OR2M3: variants seen among roughly 807,000 people sequenced by gnomAD.
The protein encoded by OR2M3 is olfactory receptor family 2 subfamily M member 3.
In OR2M3, 1 loss-of-function variant was observed where a neutral mutation model predicts 4.3. The observed-to-expected ratio is 0.23, with a 90% CI of 0.08 to 1.11. The LOEUF (loss-of-function observed/expected upper bound fraction) is 1.11, where lower values mean the gene tolerates loss of function less well. Ranked by LOEUF, OR2M3 falls within the 50% of genes most tolerant of loss-of-function variation. The pLI, the probability that OR2M3 is intolerant of heterozygous loss-of-function variation, is 0.54. For missense variants in OR2M3, 410 were observed against 390.4 expected (o/e 1.05, Z -0.42); for synonymous variants, 151 against 139.4 (o/e 1.08, Z -0.59).
At position 248,203,968 on chromosome 1, in the gene OR2M3, T is replaced by C; in HGVS notation, c.901T>C (p.Phe301Leu). 1 of 1,613,906 alleles carries C rather than the reference T, an allele frequency of 6.2e-7. No homozygotes were observed. The highest frequency in any genetic ancestry group is 8.5e-7 in the Non-Finnish European group (1 of 1,179,894). Residue 301 changes from phenylalanine (F) to leucine (L), a missense_variant, in exon 2 of 2, where the codon TTC becomes CTC. Physicochemically the swap from Phe to Leu is conservative, Grantham distance 22 (BLOSUM62 0). Transcript: ENST00000641626. ...CCGCAACAAGGAGGTGACCAGAGCATTCATGAAGATCTTAGGAAAGGGCAA... is the reference window on the plus strand; with the variant it reads ...CCGCAACAAGGAGGTGACCAGAGCACTCATGAAGATCTTAGGAAAGGGCAA... ...SLRNKEVTRA[F>L]MKILGKGKSG...
rs1436418965 is a variant in OR2M3, at chr1:248,203,481, T to C, written c.414T>C (p.Pro138=). The change falls in exon 2 of 2, where the codon CCT becomes CCC. Residue 138 remains proline, a synonymous_variant. Transcript: ENST00000641626. ...TAAGATACACCAATCTCATGAGCCC[T>C]AAAATTTGTGGACTTATGACTGCCT... ...HPLRYTNLMS[P]KICGLMTAFS... 1.2e-6 allele frequency: 2 copies of C among 1,613,836 alleles called. No individual in the cohort carries two copies. Among genetic ancestry groups the C allele is most frequent in the Non-Finnish European group, 1.7e-6 (2 of 1,179,840 alleles).
Position 248,211,256 on chromosome 1 carries a change from T to A in OR2M3, c.*7250T>A, listed in dbSNP as rs1475369200. ...ATCTTAACATTTGATCTCTAATTAC[T>A]TCCATCACAAAAAGTTAACTTTTAT... On this transcript the variant is annotated 3_prime_UTR_variant, in exon 2 of 2. Transcript: ENST00000641626. 1 of 152,112 alleles carries A rather than the reference T, an allele frequency of 6.6e-6. No homozygotes were observed. Among genetic ancestry groups the A allele is most frequent in the African/African-American group, 2.4e-5 (1 of 41,420 alleles). The allele number at this position is 152,112 out of a possible 1,614,324, so 9.4% of individuals were successfully genotyped here.
At chr1:248,199,861 T>C (rs1666136836) in intron 1 of OR2M3, among the ~76,000 whole-genome samples, 1 of 152,196 alleles carries the variant, frequency 6.6e-6, no homozygotes, top group Non-Finnish European at 1.5e-5. Context: ...ACACAAATAA[T>C]AGTGCATTTA....
Position 248,205,776 on chromosome 1 carries a change from C to A in OR2M3, c.*1770C>A, listed in dbSNP as rs1380261439. ...TTATTCTTGCTATGGCTATGCAGGA[C>A]TTTTTTATTCCATATGAATTTTAGG... is the stretch of plus-strand genomic sequence containing the variant. On this transcript the variant is annotated 3_prime_UTR_variant, in exon 2 of 2. Coordinates refer to ENST00000641626, the MANE Select transcript of OR2M3 (RefSeq NM_001004689.2). 1 of 151,766 alleles carries A rather than the reference C, an allele frequency of 6.6e-6. No individual in the cohort carries two copies. The highest frequency in any genetic ancestry group is 1.5e-5 in the Non-Finnish European group (1 of 67,824). The allele number at this position is 151,766 out of a possible 1,614,324, so 9.4% of individuals were successfully genotyped here.
At chr1:248,199,154 A>T (rs961123899) in intron 1 of OR2M3, among the ~76,000 whole-genome samples, 3 of 152,138 alleles carry the variant, frequency 2.0e-5, no homozygotes, top group African/African-American at 7.2e-5. Flanking sequence ...GATTAGATGA[A>T]ATAAATAAAA....
At position 248,206,387 on chromosome 1, in the gene OR2M3, G is replaced by A. The variant is rs571175360; in HGVS notation, c.*2381G>A. ...ATCCTTGTCTTGTTCCAGTTCTCAG[G>A]GGGAATGCTTTCCAATTTTCCCCTT... On this transcript the variant is annotated 3_prime_UTR_variant, in exon 2 of 2. Transcript: ENST00000641626. 6.6e-6 allele frequency: 1 copy of A among 151,994 alleles called. No homozygotes were observed. The highest frequency in any genetic ancestry group is 1.9e-4 in the East Asian group (1 of 5,166). 9.4% of individuals were successfully genotyped at this position (151,994 alleles called of 1,614,324 possible).
In OR2M3 at chr1:248,205,459, G is replaced by T. The variant is rs1666214587; in HGVS notation, c.*1453G>T. 2 of 151,982 alleles carry T rather than the reference G, an allele frequency of 1.3e-5. No homozygotes were observed. The highest frequency in any genetic ancestry group is 2.9e-5 in the Non-Finnish European group (2 of 67,938). 9.4% of individuals were successfully genotyped at this position (151,982 alleles called of 1,614,324 possible). On this transcript the variant is annotated 3_prime_UTR_variant, in exon 2 of 2. Coordinates refer to ENST00000641626, the MANE Select transcript of OR2M3 (RefSeq NM_001004689.2). ...TTAAGGTTTTTATCCATCTTGAGTT[G>T]ATTTTTGTATAAGGTGAGCGATGAG...
rs998326394 is a variant in OR2M3 at position 248,204,561 on chromosome 1, C to T, written c.*555C>T. The stretch of plus-strand genomic sequence containing the variant: ...AATTCCATCCCAGTTGCTGTGAATG[C>T]CATTATTTTGTATTTTTTATGACTG... On this transcript the variant is annotated 3_prime_UTR_variant, in exon 2 of 2. Coordinates refer to ENST00000641626, the MANE Select transcript of OR2M3 (RefSeq NM_001004689.2). The T allele has an allele frequency of 1.2e-4, 19 of 152,282 alleles. No homozygotes were observed. Among genetic ancestry groups the T allele is most frequent in the African/African-American group, 4.4e-4 (18 of 41,132 alleles). The allele number at this position is 152,282 out of a possible 1,614,324, so 9.4% of individuals were successfully genotyped here.
intron 1 of OR2M3, among the ~76,000 whole-genome samples, chr1:248,200,568 G>A (rs1158378373): frequency 6.6e-6 from 1 of 152,088 alleles, no homozygotes; most frequent in African/African-American, 2.4e-5. Context: ...ACCAGAAAGG[G>A]AGGAGGTTGA....
chr1:248,203,728 G>A lies in OR2M3; in HGVS notation c.661G>A (p.Val221Ile). The A allele has an allele frequency of 6.2e-7, 1 of 1,612,410 alleles. No individual in the cohort carries two copies. The highest frequency in any genetic ancestry group is 8.5e-7 in the Non-Finnish European group (1 of 1,179,782). ...AATCATCATTGCTTCCTATGCTCGA[G>A]TTATCCTGGCTGTCATTCACATGGG... ...VAIIIASYAR[V>I]ILAVIHMGSG... Residue 221 changes from valine (V) to isoleucine (I), a missense_variant, in exon 2 of 2, where the codon GTT becomes ATT. Val to Ile is a conservative substitution (Grantham distance 29). Coordinates refer to ENST00000641626, the MANE Select transcript of OR2M3 (RefSeq NM_001004689.2).
intron 1 of OR2M3, among the ~76,000 whole-genome samples, chr1:248,200,001 A>G (rs953226901): frequency 6.6e-6 from 1 of 152,168 alleles, no homozygotes; most frequent in East Asian, 1.9e-4. Flanking sequence ...GGAAATGGAT[A>G]AATGATGGAG....
rs1231309454 is a variant in OR2M3 at position 248,211,426 on chromosome 1, T to G, written c.*7420T>G. On this transcript the variant is annotated 3_prime_UTR_variant, in exon 2 of 2. Transcript: ENST00000641626. Reference sequence around the variant, plus strand: ...TGCCCCTAAACTGCACAATGATACTTAAACATTTTATTAATAATTACAGGA... The same window carrying G: ...TGCCCCTAAACTGCACAATGATACTGAAACATTTTATTAATAATTACAGGA... 1 of 152,170 alleles carries G rather than the reference T, an allele frequency of 6.6e-6. No homozygotes were observed. Among genetic ancestry groups the G allele is most frequent in the Non-Finnish European group, 1.5e-5 (1 of 68,038 alleles). 9.4% of individuals were successfully genotyped at this position (152,170 alleles called of 1,614,324 possible).
chr1:248,202,493 G>C (rs1666168968), intron 1 of OR2M3, among the ~76,000 whole-genome samples: 1 of 152,108 alleles, frequency 6.6e-6, no homozygotes, highest in African/African-American at 2.4e-5. Flanking sequence ...CTAGGTTTTA[G>C]ATTTGTATAA....
At position 248,199,380 on chromosome 1, in the gene OR2M3, G is replaced by T. The variant is rs549470845; in HGVS notation, c.-19+2079G>T. On this transcript the variant is annotated intron_variant, in intron 1 of 1. Transcript: ENST00000641626. ...ACAGTGCTGCAACTCAAAATATTCT[G>T]GTTTTTTTTGACAGTGAATAGTCCT... Among the ~76,000 whole-genome samples, 9 of 152,096 alleles carry T rather than the reference G, an allele frequency of 5.9e-5. No individual in the cohort carries two copies. The South Asian group carries it at 1.9e-3, about 32-fold the overall frequency.
chr1:248,198,372 T>A (rs558301124), intron 1 of OR2M3, among the ~76,000 whole-genome samples: 1 of 152,314 alleles, frequency 6.6e-6, no homozygotes, highest in South Asian at 2.1e-4. Flanking sequence ...GACTCATCAA[T>A]GCTACTTCTT....
In OR2M3 at chr1:248,203,519, T is replaced by C; in HGVS notation, c.452T>C (p.Leu151Pro). 1.2e-6 allele frequency: 2 copies of C among 1,613,746 alleles called. No homozygotes were observed. Among genetic ancestry groups the C allele is most frequent in the Non-Finnish European group, 1.7e-6 (2 of 1,179,774 alleles). The change falls in exon 2 of 2, where the codon CTG (leucine) becomes CCG (proline). Residue 151 changes from leucine to proline, a missense_variant. Coordinates refer to ENST00000641626, the MANE Select transcript of OR2M3 (RefSeq NM_001004689.2). ...CTTATGACTGCCTTTTCCTGGATCC[T>C]GGGCTCTACGGATGGAATTATTGAT... ...CGLMTAFSWI[L>P]GSTDGIIDVV...
Position 248,203,707 on chromosome 1 carries a change from A to T in OR2M3, c.640A>T (p.Ile214Phe). Reference sequence around the variant, plus strand: ...AATGATTGTTTTCCCTGTTGCAATCATCATTGCTTCCTATGCTCGAGTTAT... The same window carrying T: ...AATGATTGTTTTCCCTGTTGCAATCTTCATTGCTTCCTATGCTCGAGTTAT... ...IVMIVFPVAI[I>F]IASYARVILA... The change falls in exon 2 of 2, where the codon ATC (isoleucine) becomes TTC (phenylalanine). Residue 214 changes from isoleucine to phenylalanine, a missense_variant. By Grantham distance (21) the Ile-to-Phe change is conservative (BLOSUM62 0). Transcript: ENST00000641626. 6.2e-7 allele frequency: 1 copy of T among 1,612,888 alleles called. No individual in the cohort carries two copies. Among genetic ancestry groups the T allele is most frequent in the South Asian group, 1.1e-5 (1 of 91,024 alleles).
chr1:248,204,443 T>G lies in OR2M3; in HGVS notation c.*437T>G, dbSNP rs1046796531. The G allele has an allele frequency of 1.3e-5, 2 of 154,580 alleles. No homozygotes were observed. The highest frequency in any genetic ancestry group is 4.8e-5 in the African/African-American group (2 of 41,400). 9.6% of individuals were successfully genotyped at this position (154,580 alleles called of 1,614,324 possible). A position where few individuals can be genotyped will look rare whatever the true frequency, so the allele number is the denominator to read the frequency against. On this transcript the variant is annotated 3_prime_UTR_variant, in exon 2 of 2. Transcript: ENST00000641626. ...AGTCCAGTGTATCATTCTTATGACTTTTTGTCTCATAGTTTAGTTTCAACA... is the reference window on the plus strand; with the variant it reads ...AGTCCAGTGTATCATTCTTATGACTGTTTGTCTCATAGTTTAGTTTCAACA...
At chr1:248,201,085 C>T (rs753331183) in intron 1 of OR2M3, among the ~76,000 whole-genome samples, 2 of 152,090 alleles carry the variant, frequency 1.3e-5, no homozygotes, top group Non-Finnish European at 2.9e-5. Context: ...GGATAATCTC[C>T]CTTCACATAT....
Sources: allele counts gnomAD v4.1 joint callset (sites outside exome capture counted in the v4.1 genomes callset), GRCh38; gene constraint gnomAD v4.1.1; transcripts MANE v1.5; gene names NCBI Gene and HGNC (gene_info 2026-07-23, HGNC 2026-07-21).